The following MS4A3 variants were observed in gnomAD, a reference collection of about 807,000 sequenced individuals.
The protein encoded by MS4A3 is membrane-spanning 4-domains subfamily A member 3.
MS4A3 carries 18 observed loss-of-function variants against 24.7 expected under a neutral mutation model. The observed-to-expected ratio is 0.73, with a 90% CI of 0.50 to 1.08. The LOEUF is 1.08. MS4A3 is among the 50% of genes least tolerant of loss of function. The probability of loss-of-function intolerance (pLI) is 0.00; values close to 1 mark genes in which losing one functional copy is unlikely to be tolerated. For missense variants in MS4A3, 282 were observed against 251.7 expected (o/e 1.12, Z -0.82); for synonymous variants, 84 against 95.3 (o/e 0.88, Z 0.69).
intron 5 of MS4A3, among the ~76,000 whole-genome samples, chr11:60,067,770 G>A (rs544884289): frequency 8.6e-5 from 13 of 151,716 alleles, no homozygotes; most frequent in East Asian, 3.9e-4. Flanking sequence ...TCATTTCACC[G>A]GGCGCGGTGG....
chr11:60,057,249 T>C (rs1195251503), intron 1 of MS4A3, among the ~76,000 whole-genome samples: 1 of 152,208 alleles, frequency 6.6e-6, no homozygotes, highest in Non-Finnish European at 1.5e-5. Flanking sequence ...GAAAGGATCA[T>C]AGCAGTAGTA....
At chr11:60,058,527 A>AT (rs1855210979) in intron 1 of MS4A3, among the ~76,000 whole-genome samples, 3 of 144,930 alleles carry the variant, frequency 2.1e-5, no homozygotes, top group Non-Finnish European at 4.5e-5. Flanking sequence ...AAAAAAAAAA[A>AT]AAAAAAAAAA....
At chr11:60,069,085 C>T (rs774362692) in intron 5 of MS4A3, among the ~76,000 whole-genome samples, 1 of 152,084 alleles carries the variant, frequency 6.6e-6, no homozygotes, top group African/African-American at 2.4e-5. Flanking sequence ...CTTCTAGGTG[C>T]CTCAGTAATA....
chr11:60,064,277 A>G lies in MS4A3; in HGVS notation c.310A>G (p.Thr104Ala), dbSNP rs1194295158. Residue 104 changes from threonine to alanine, a missense_variant, in exon 4 of 7, where the codon ACC (threonine) becomes GCC (alanine). Physicochemically the swap from Thr to Ala is moderately conservative, Grantham distance 58. Coordinates refer to ENST00000278865, the MANE Select transcript of MS4A3 (RefSeq NM_006138.5). ...WGAVFFCSSG[T>A]LSVVAGIKPT... ...TTTCAAACAGTTCTGTAGTTCAGGAACCTTGTCTGTTGTAGCAGGGATAAA... is the reference window on the plus strand; with the variant it reads ...TTTCAAACAGTTCTGTAGTTCAGGAGCCTTGTCTGTTGTAGCAGGGATAAA... 1 of 1,605,036 alleles carries G rather than the reference A, an allele frequency of 6.2e-7. No individual in the cohort carries two copies. The highest frequency in any genetic ancestry group is 1.7e-5 in the Admixed American group (1 of 58,532).
intron 5 of MS4A3, among the ~76,000 whole-genome samples, chr11:60,068,046 G>T (rs557320034): frequency 6.6e-6 from 1 of 151,776 alleles, no homozygotes; most frequent in Non-Finnish European, 1.5e-5. Context: ...GAGTGAAACT[G>T]TCTCAAAAAA....
At chr11:60,061,413 A>T (rs978294940) in intron 2 of MS4A3, 97 bp downstream of exon 2, 26 of 1,424,902 alleles carry the variant, frequency 1.8e-5, no homozygotes, top group Non-Finnish European at 2.5e-5. Flanking sequence ...GGATTCCCTT[A>T]CATGTGGATT....
chr11:60,069,689 A>G lies in MS4A3; in HGVS notation c.615+14A>G. 6.3e-7 allele frequency: 1 copy of G among 1,580,980 alleles called. No individual in the cohort carries two copies. Among genetic ancestry groups the G allele is most frequent in the Non-Finnish European group, 8.7e-7 (1 of 1,150,168 alleles). ...AATTCAAGAGAGGTGAGATTTTTCA[A>G]ATGATTAATCATTCACATGATCTCA... is the stretch of plus-strand genomic sequence containing the variant. On this transcript the variant is annotated intron_variant, in intron 6 of 6. Transcript: ENST00000278865.
intron 5 of MS4A3, among the ~76,000 whole-genome samples, chr11:60,068,887 T>G (rs1288631613): frequency 6.6e-6 from 1 of 151,930 alleles, no homozygotes; most frequent in Non-Finnish European, 1.5e-5. Context: ...TGGTGTGTGA[T>G]GTTCCCCGCC....
intron 6 of MS4A3, 139 bp from the exon 7 acceptor site, chr11:60,070,065 A>G (rs1423339547): frequency 4.1e-6 from 3 of 730,774 alleles, no homozygotes; most frequent in Admixed American, 2.5e-5. Flanking sequence ...TACTGTGTAT[A>G]TAATCTTTAT....
chr11:60,070,441 T>C lies in MS4A3; in HGVS notation c.*208T>C. On this transcript the variant is annotated 3_prime_UTR_variant, in exon 7 of 7. Coordinates refer to ENST00000278865, the MANE Select transcript of MS4A3 (RefSeq NM_006138.5). ...AAATCCTATTTGTGTGTCGTGGGTA[T>C]GGAAGGACAGATATATTTCTTTAGG... is the stretch of plus-strand genomic sequence containing the variant. 1 of 503,200 alleles carries C rather than the reference T, an allele frequency of 2.0e-6. No homozygotes were observed. The highest frequency in any genetic ancestry group is 3.5e-6 in the Non-Finnish European group (1 of 286,930). 31.2% of individuals were successfully genotyped at this position (503,200 alleles called of 1,614,324 possible).
At position 60,056,698 on chromosome 11, in the gene MS4A3, G is replaced by C. The variant is rs1590609022; in HGVS notation, c.-58G>C. The C allele has an allele frequency of 6.6e-6, 1 of 152,216 alleles. No individual in the cohort carries two copies. The highest frequency in any genetic ancestry group is 6.5e-5 in the Admixed American group (1 of 15,278). The allele number at this position is 152,216 out of a possible 1,614,324, so 9.4% of individuals were successfully genotyped here. On this transcript the variant is annotated 5_prime_UTR_variant, in exon 1 of 7. Transcript: ENST00000278865. The stretch of plus-strand genomic sequence containing the variant: ...AGTGTCTCCTACTTGCGACAAGGTG[G>C]ACTTGGGAGGAAAGCCGTCTGCCAA...
chr11:60,070,302 A>G lies in MS4A3; in HGVS notation c.*69A>G. The G allele has an allele frequency of 7.8e-7, 1 of 1,283,168 alleles. No individual in the cohort carries two copies. The highest frequency in any genetic ancestry group is 1.5e-5 in the African/African-American group (1 of 68,118). The allele number at this position is 1,283,168 out of a possible 1,614,324, so 79.5% of individuals were successfully genotyped here. ...TAAATCTCCAGTGACTCAGAGCTTC[A>G]CCCACAAACTCAGGAGAACATAAGC... is the stretch of plus-strand genomic sequence containing the variant. On this transcript the variant is annotated 3_prime_UTR_variant, in exon 7 of 7. Transcript: ENST00000278865.
At chr11:60,064,404 C>T (rs1855326736) in intron 4 of MS4A3, 86 bp downstream of exon 4, 1 of 921,026 alleles carries the variant, frequency 1.1e-6, no homozygotes, top group Admixed American at 2.4e-5. Flanking sequence ...TCCATGAATA[C>T]AACTGAGACA....
In MS4A3 at chr11:60,060,116, A is replaced by G. The variant is rs914100251; in HGVS notation, c.-15-1030A>G. On this transcript the variant is annotated intron_variant, in intron 1 of 6. Coordinates refer to ENST00000278865, the MANE Select transcript of MS4A3 (RefSeq NM_006138.5). ...TGATACATATTTTTCAGCTGTAATG[A>G]TTGAGGTGGTTGTTTTGTGACCCTT... 2.6e-5 allele frequency among the ~76,000 whole-genome samples: 4 copies of G among 152,168 alleles called. No homozygotes were observed. In the East Asian group the frequency reaches 7.7e-4, roughly 29 times the overall value.
intron 5 of MS4A3, 96 bp from the exon 6 acceptor site, chr11:60,069,478 G>T: frequency 1.3e-6 from 1 of 752,530 alleles, no homozygotes; most frequent in Non-Finnish European, 2.3e-6. Flanking sequence ...TCCACTTTAC[G>T]GGAGGGAGAT....
chr11:60,064,703 G>C (rs921581109), intron 4 of MS4A3, among the ~76,000 whole-genome samples: 22 of 152,166 alleles, frequency 1.4e-4, no homozygotes, highest in African/African-American at 3.6e-4. Flanking sequence ...GAGTCACGTA[G>C]CCACTGATAC....
intron 5 of MS4A3, 74 bp from the exon 6 acceptor site, chr11:60,069,500 G>A: frequency 2.0e-6 from 2 of 998,448 alleles, no homozygotes; most frequent in Non-Finnish European, 3.1e-6. Flanking sequence ...TTGTAGTCTG[G>A]TTTCCTGCTG....
In MS4A3 at chr11:60,070,727, C is replaced by T. The variant is rs557630795; in HGVS notation, c.*494C>T. On this transcript the variant is annotated 3_prime_UTR_variant, in exon 7 of 7. Transcript: ENST00000278865. ...ATAAAAAGTGTCAAATAAAAAATTA[C>T]CATCATTATCATTAAAATAAATTTT... 2 of 152,548 alleles carry T rather than the reference C, an allele frequency of 1.3e-5. No homozygotes were observed. The highest frequency in any genetic ancestry group is 4.8e-5 in the African/African-American group (2 of 41,432). The allele number at this position is 152,548 out of a possible 1,614,324, so 9.4% of individuals were successfully genotyped here.
intron 2 of MS4A3, among the ~76,000 whole-genome samples, chr11:60,061,966 C>T (rs976466167): frequency 2.0e-5 from 3 of 152,050 alleles, no homozygotes; most frequent in African/African-American, 4.8e-5. Context: ...ATTCCAAGAC[C>T]CTTCATTTTT....
Sources: allele counts gnomAD v4.1 joint callset (sites outside exome capture counted in the v4.1 genomes callset), GRCh38; gene constraint gnomAD v4.1.1; transcripts MANE v1.5; gene names NCBI Gene and HGNC (gene_info 2026-07-23, HGNC 2026-07-21).